The following MASP1 variants were observed in gnomAD, a reference collection of about 807,000 sequenced individuals.
MASP1 encodes the protein MBL associated serine protease 1.
Under a neutral mutation model 77.1 loss-of-function variants are expected in MASP1, and 59 were observed. The observed-to-expected ratio is 0.77, with a 90% CI of 0.62 to 0.95. The LOEUF (loss-of-function observed/expected upper bound fraction) is 0.95, where lower values mean the gene tolerates loss of function less well. MASP1 is among the 40% of genes least tolerant of loss of function. MASP1 has a pLI of 0.00. For synonymous variants in MASP1, 362 were observed against 354.5 expected (o/e 1.02, Z -0.24); for missense variants, 885 against 912.9 (o/e 0.97, Z 0.39).
downstream of MASP1, among the ~76,000 whole-genome samples, chr3:187,230,379 A>G (rs2108507160): frequency 6.6e-6 from 1 of 152,350 alleles, no homozygotes; most frequent in East Asian, 1.9e-4. Flanking sequence ...ACAAAGAGAC[A>G]GAGAGATTGC....
chr3:187,286,734 G>T (rs754119536), intron 1 of MASP1, among the ~76,000 whole-genome samples: 4 of 152,158 alleles, frequency 2.6e-5, no homozygotes, highest in African/African-American at 4.8e-5. Flanking sequence ...AATGACTAAG[G>T]CTGGTCAAAG....
chr3:187,256,415 T>C (rs1466224542), intron 5 of MASP1, among the ~76,000 whole-genome samples: 2 of 152,200 alleles, frequency 1.3e-5, no homozygotes, highest in Non-Finnish European at 1.5e-5. Context: ...CAGAGACCTT[T>C]CTAAAATGCA....
intron 1 of MASP1, among the ~76,000 whole-genome samples, chr3:187,286,693 C>T (rs759175758): frequency 6.6e-6 from 1 of 152,204 alleles, no homozygotes; most frequent in Non-Finnish European, 1.5e-5. Flanking sequence ...TTACAGAGCA[C>T]GTCACCATGG....
At chr3:187,222,198 A>T (rs753224574) in intron 14 of MASP1, among the ~76,000 whole-genome samples, 1 of 152,136 alleles carries the variant, frequency 6.6e-6, no homozygotes, top group Non-Finnish European at 1.5e-5. Flanking sequence ...AACCCCTGAG[A>T]CAAGATCAGA....
chr3:187,264,359 T>G (rs568415315), intron 2 of MASP1, among the ~76,000 whole-genome samples: 1 of 152,272 alleles, frequency 6.6e-6, no homozygotes, highest in Admixed American at 6.5e-5. Context: ...TGCACACAGC[T>G]GAAATGTCAC....
intron 8 of MASP1, among the ~76,000 whole-genome samples, chr3:187,249,278 G>A (rs1266283718): frequency 2.6e-5 from 4 of 151,908 alleles, no homozygotes; most frequent in East Asian, 1.9e-4. Flanking sequence ...GGCTGGTCTC[G>A]GACTCCGGAA....
At chr3:187,286,818 C>T (rs569966345) in intron 1 of MASP1, among the ~76,000 whole-genome samples, 23 of 152,308 alleles carry the variant, frequency 1.5e-4, no homozygotes, top group Middle Eastern at 3.4e-3. Context: ...GGTCCAGTAA[C>T]CTTGAACTTA....
chr3:187,225,979 A>G (rs1039114625), intron 12 of MASP1, among the ~76,000 whole-genome samples: 10 of 152,346 alleles, frequency 6.6e-5, no homozygotes, highest in Admixed American at 4.6e-4. Flanking sequence ...TGTGGGCAGA[A>G]ACTAGGTCTT....
At chr3:187,274,514 C>T (rs969743926) in intron 2 of MASP1, among the ~76,000 whole-genome samples, 1 of 152,286 alleles carries the variant, frequency 6.6e-6, no homozygotes, top group East Asian at 1.9e-4. Flanking sequence ...CTGAAAAGAA[C>T]ATGAAAAGAC....
At chr3:187,280,272 T>C (rs1717303930) in intron 2 of MASP1, among the ~76,000 whole-genome samples, 1 of 152,124 alleles carries the variant, frequency 6.6e-6, no homozygotes, top group East Asian at 1.9e-4. Flanking sequence ...ACATCAAGGA[T>C]ATAGGGTTAA....
chr3:187,284,977 A>G (rs1025444575), intron 2 of MASP1, among the ~76,000 whole-genome samples: 16 of 152,200 alleles, frequency 1.1e-4, no homozygotes, highest in Non-Finnish European at 2.1e-4. Flanking sequence ...AAATATCTAA[A>G]TGCTCTAGAG....
At chr3:187,246,264 A>C (rs1165564546) in intron 8 of MASP1, 1 of 450,536 alleles carries the variant, frequency 2.2e-6, no homozygotes, top group Non-Finnish European at 2.9e-6. Flanking sequence ...TGTTGTCTGC[A>C]TCAAAGCTAT....
rs116522397 is a variant in MASP1, at chr3:187,238,146, G to A, written c.1304-1579C>T. 7.5e-3 allele frequency among the ~76,000 whole-genome samples: 1,138 copies of A among 152,344 alleles called. 10 individuals are homozygous for A. Among genetic ancestry groups the A allele is most frequent in the Non-Finnish European group, 0.013 (911 of 68,036 alleles). On this transcript the variant is annotated intron_variant, in intron 10 of 10. Transcript: ENST00000296280. ...AAGGCCCTAATCTGGTAAGGGACACGTCTATGGCTTGGTCCATGGTCACAA... is the reference window on the plus strand; with the variant it reads ...AAGGCCCTAATCTGGTAAGGGACACATCTATGGCTTGGTCCATGGTCACAA...
rs72549171 is a variant in MASP1 at position 187,262,729 on chromosome 3, T to C, written c.238-9A>G. On this transcript the variant is annotated splice_polypyrimidine_tract_variant and intron_variant, in intron 2 of 10. Coordinates refer to ENST00000296280, the MANE Select transcript of MASP1 (RefSeq NM_139125.4). The stretch of plus-strand genomic sequence containing the variant: ...TGGTCCTCAGTTTCTACCTTTGAGG[T>C]CAAAGAGAAAGGGAACAAGATGAGC... The C allele has an allele frequency of 6.7e-4, 1,082 of 1,613,660 alleles. 4 individuals are homozygous for C. The African/African-American group carries it at 0.013, about 20-fold the overall frequency.
chr3:187,255,192 C>G (rs1349465354), intron 5 of MASP1, among the ~76,000 whole-genome samples: 1 of 152,164 alleles, frequency 6.6e-6, no homozygotes, highest in Non-Finnish European at 1.5e-5. Flanking sequence ...CTGCTGGTAG[C>G]AGCAGCAGAA....
intron 2 of MASP1, among the ~76,000 whole-genome samples, chr3:187,274,551 A>C (rs911051448): frequency 2.0e-5 from 3 of 152,234 alleles, no homozygotes; most frequent in Non-Finnish European, 4.4e-5. Context: ...GCGGAGGAAC[A>C]GACTTGTTCA....
chr3:187,243,306 A>G, intron 9 of MASP1, 178 bp downstream of exon 9: 2 of 705,116 alleles, frequency 2.8e-6, no homozygotes, highest in Non-Finnish European at 5.1e-6. Flanking sequence ...ACATGGACAC[A>G]GTAACACAAG....
At chr3:187,259,558 A>C (rs1715382320) in intron 4 of MASP1, among the ~76,000 whole-genome samples, 1 of 152,198 alleles carries the variant, frequency 6.6e-6, no homozygotes, top group Non-Finnish European at 1.5e-5. Flanking sequence ...GAAAATGAAG[A>C]AAATGAGTGA....
rs1713568333 is a variant in MASP1 at position 187,240,724 on chromosome 3, T to G, written c.1303+757A>C. On this transcript the variant is annotated intron_variant, in intron 10 of 10. Transcript: ENST00000296280. ...TCAGCTCACTGTAGCCTCTGCCCCC[T>G]GGGTTCAAGCAATTCTCCTCTCTCA... 1.3e-5 allele frequency among the ~76,000 whole-genome samples: 2 copies of G among 152,146 alleles called. 1 individual carries two copies. Among genetic ancestry groups the G allele is most frequent in the South Asian group, 4.1e-4 (2 of 4,834 alleles).
Sources: allele counts gnomAD v4.1 joint callset (sites outside exome capture counted in the v4.1 genomes callset), GRCh38; gene constraint gnomAD v4.1.1; transcripts MANE v1.5; gene names NCBI Gene and HGNC (gene_info 2026-07-23, HGNC 2026-07-21).